The following IKBKB variants were observed in gnomAD, a reference collection of about 807,000 sequenced individuals.
IKBKB encodes inhibitor of nuclear factor kappa-B kinase subunit beta.
In IKBKB, 42 loss-of-function variants were observed where a neutral mutation model predicts 113.6. The ratio of observed to expected loss-of-function variants is 0.37; its 90% CI spans 0.29 to 0.48. The LOEUF is 0.48. IKBKB is among the 20% of genes least tolerant of loss of function. The probability of loss-of-function intolerance (pLI) is 0.99; values close to 1 mark genes in which losing one functional copy is unlikely to be tolerated. For missense variants in IKBKB, 673 were observed against 939.7 expected, an observed-to-expected ratio of 0.72 and a Z score of 3.71; for synonymous variants, 296 against 361.3, an observed-to-expected ratio of 0.82 and a Z score of 2.05.
At chr8:42,283,161 G>A (rs891193271) in intron 2 of IKBKB, among the ~76,000 whole-genome samples, 2 of 152,174 alleles carry the variant, frequency 1.3e-5, no homozygotes, top group African/African-American at 2.4e-5. Flanking sequence ...CAGGTCCAGT[G>A]TTTGTGTTGG....
At position 42,288,671 on chromosome 8, in the gene IKBKB, A is replaced by T; in HGVS notation, c.143A>T (p.Gln48Leu). Residue 48 changes from glutamine to leucine, a missense_variant, in exon 3 of 22, where the codon CAG becomes CTG. Transcript: ENST00000520810. ...GEQIAIKQCRQELSPRNRERW... is the reference protein window; with the variant it reads ...GEQIAIKQCRLELSPRNRERW... Reference sequence around the variant, plus strand: ...CAGATTGCCATCAAGCAGTGCCGGCAGGAGCTCAGCCCCCGGAACCGAGAG... The same window carrying T: ...CAGATTGCCATCAAGCAGTGCCGGCTGGAGCTCAGCCCCCGGAACCGAGAG... 4 of 1,612,014 alleles carry T rather than the reference A, an allele frequency of 2.5e-6. No individual in the cohort carries two copies. Among genetic ancestry groups the T allele is most frequent in the Non-Finnish European group, 3.4e-6 (4 of 1,179,050 alleles).
chr8:42,299,739 G>T (rs1258540796), intron 5 of IKBKB, among the ~76,000 whole-genome samples: 1 of 152,224 alleles, frequency 6.6e-6, no homozygotes, highest in Non-Finnish European at 1.5e-5. Context: ...GCCCCTTGTG[G>T]AAGCTGTTCT....
intron 20 of IKBKB, among the ~76,000 whole-genome samples, chr8:42,327,611 G>A (rs1356982185): frequency 2.7e-5 from 4 of 150,094 alleles, no homozygotes; most frequent in Non-Finnish European, 5.9e-5. Context: ...GGGATTACAG[G>A]CATGAGCCAC....
At chr8:42,271,898 G>A (rs1807834559) in intron 1 of IKBKB, 185 bp from the exon 2 acceptor site, 2 of 645,056 alleles carry the variant, frequency 3.1e-6, no homozygotes, top group Non-Finnish European at 5.1e-6. Flanking sequence ...GAGGGTGAGA[G>A]GGACAAAAGT....
At chr8:42,291,168 G>A (rs538955084) in intron 4 of IKBKB, among the ~76,000 whole-genome samples, 78 of 152,232 alleles carry the variant, frequency 5.1e-4, no homozygotes, top group Non-Finnish European at 1.1e-3. Flanking sequence ...TATGAAAACT[G>A]GAAGCTCTGA....
At chr8:42,281,853 G>A (rs984363699) in intron 2 of IKBKB, among the ~76,000 whole-genome samples, 2 of 152,254 alleles carry the variant, frequency 1.3e-5, no homozygotes, top group East Asian at 3.9e-4. Context: ...GGCTTTCTGC[G>A]CTAAGGGTCT....
At chr8:42,281,868 A>G (rs561329401) in intron 2 of IKBKB, among the ~76,000 whole-genome samples, 12 of 152,146 alleles carry the variant, frequency 7.9e-5, no homozygotes, top group Non-Finnish European at 1.8e-4. Flanking sequence ...GGGTCTAAAC[A>G]TGGCTCTTGG....
intron 13 of IKBKB, among the ~76,000 whole-genome samples, 198 bp from the exon 14 acceptor site, chr8:42,319,072 A>G (rs1262684958): frequency 6.6e-6 from 1 of 152,148 alleles, no homozygotes; most frequent in Non-Finnish European, 1.5e-5. Flanking sequence ...CCTGATGTCA[A>G]GTTTAGTGCA....
chr8:42,305,315 G>A (rs564988510), intron 6 of IKBKB, 40 bp downstream of exon 6: 31 of 1,259,308 alleles, frequency 2.5e-5, no homozygotes, highest in South Asian at 1.1e-4. Context: ...TCAGGTGGGC[G>A]TGCCGGGAAG....
chr8:42,332,006 T>C lies in IKBKB; in HGVS notation c.*1027T>C, dbSNP rs1483255315. On this transcript the variant is annotated 3_prime_UTR_variant, in exon 22 of 22. Coordinates refer to ENST00000520810, the MANE Select transcript of IKBKB (RefSeq NM_001556.3). ...GGTTAGGGCTTCTGAACTAAAATAA[T>C]GGAAAATTTTAACAATTTGTATAGT... 2 of 155,150 alleles carry C rather than the reference T, an allele frequency of 1.3e-5. No homozygotes were observed. The highest frequency in any genetic ancestry group is 6.2e-5 in the Admixed American group (1 of 16,070). 9.6% of individuals were successfully genotyped at this position (155,150 alleles called of 1,614,324 possible). A position where few individuals can be genotyped will look rare whatever the true frequency, so the allele number is the denominator to read the frequency against.
chr8:42,281,261 C>T (rs2130163842), intron 2 of IKBKB, among the ~76,000 whole-genome samples: 1 of 152,258 alleles, frequency 6.6e-6, no homozygotes, highest in Admixed American at 6.5e-5. Context: ...CTCAGGTGGG[C>T]AGAGCAGCAT....
intron 12 of IKBKB, 135 bp downstream of exon 12, chr8:42,317,906 C>T (rs1818995015): frequency 1.5e-6 from 1 of 678,014 alleles, no homozygotes; most frequent in African/African-American, 1.8e-5. Flanking sequence ...GGGCAGCCTT[C>T]CTTATTTAGG....
Position 42,306,660 on chromosome 8 carries a change from C to T in IKBKB, c.567+228C>T, listed in dbSNP as rs575106310. ...TGATGTCCGGAGGGCTCTGCTCATGCGCCTTGCACCATCCCCTAGCCTCTC... is the reference window on the plus strand; with the variant it reads ...TGATGTCCGGAGGGCTCTGCTCATGTGCCTTGCACCATCCCCTAGCCTCTC... On this transcript the variant is annotated intron_variant, in intron 7 of 21. Transcript: ENST00000520810. Among the ~76,000 whole-genome samples, 193 of 152,334 alleles carry T rather than the reference C, an allele frequency of 1.3e-3. 3 individuals carry two copies. The Middle Eastern group carries it at 0.024, about 19-fold the overall frequency.
intron 5 of IKBKB, among the ~76,000 whole-genome samples, chr8:42,299,510 C>T (rs1297084089): frequency 6.6e-6 from 1 of 152,124 alleles, no homozygotes; most frequent in African/African-American, 2.4e-5. Context: ...CCGCCAGCCT[C>T]CAGGCGTGAC....
chr8:42,298,115 A>G (rs1160322848), intron 5 of IKBKB: 1 of 985,316 alleles, frequency 1.0e-6, no homozygotes, highest in Non-Finnish European at 1.2e-6. Flanking sequence ...AGTCTTGCTC[A>G]TTATCCTTTG....
At chr8:42,317,195 T>C in intron 11 of IKBKB, 1 of 401,014 alleles carries the variant, frequency 2.5e-6, no homozygotes, top group Non-Finnish European at 4.5e-6. Flanking sequence ...TGCTTGGCCC[T>C]CTTCCAAGTG....
intron 20 of IKBKB, among the ~76,000 whole-genome samples, chr8:42,328,362 G>C (rs945422531): frequency 1.3e-5 from 2 of 151,544 alleles, no homozygotes; most frequent in African/African-American, 4.9e-5. Flanking sequence ...CAGGCACTGA[G>C]CCTTTAGGCT....
intron 16 of IKBKB, 182 bp downstream of exon 16, chr8:42,321,026 A>G (rs1819681764): frequency 2.0e-6 from 1 of 491,204 alleles, no homozygotes; most frequent in Non-Finnish European, 3.6e-6. Context: ...TTCAGTGACA[A>G]GAAAAACAGT....
chr8:42,285,960 G>A (rs1470417291), intron 2 of IKBKB, among the ~76,000 whole-genome samples: 1 of 152,182 alleles, frequency 6.6e-6, no homozygotes, highest in African/African-American at 2.4e-5. Flanking sequence ...TTTTGTTGTG[G>A]GATGGCAGAC....
Sources: gnomAD v4.1 joint callset for allele counts (sites outside exome capture counted in the v4.1 genomes callset) on GRCh38, gnomAD v4.1.1 for gene constraint, MANE v1.5 for transcripts, NCBI Gene and HGNC (gene_info 2026-07-23, HGNC 2026-07-21) for gene names.